JAKMIP1: variants seen among roughly 807,000 people sequenced by gnomAD.
JAKMIP1 encodes the protein janus kinase and microtubule-interacting protein 1.
JAKMIP1 carries 33 observed loss-of-function variants against 113.0 expected under a neutral mutation model. That is an observed-to-expected ratio of 0.29 (90% CI 0.22 to 0.39). The LOEUF is 0.39. Among genes scored for constraint, JAKMIP1 ranks in the 10% least tolerant of loss-of-function variants. The pLI is 1.00. For missense variants in JAKMIP1, 813 were observed against 1,080.5 expected (o/e 0.75, Z 3.47); for synonymous variants, 480 against 459.9 (o/e 1.04, Z -0.56).
In JAKMIP1 at chr4:6,180,395, A is replaced by G. The variant is rs772977044; in HGVS notation, c.-148+19858T>C. On this transcript the variant is annotated intron_variant, in intron 1 of 20. Coordinates refer to ENST00000409021, the MANE Select transcript of JAKMIP1 (RefSeq NM_001099433.2). The surrounding 1 kb of genome is among the most constrained non-coding windows in gnomAD (Gnocchi z 4.5). ...CTTCTTTCTTATTGAGATTTTCACT[A>G]TAAAATCTTATCAGCTGCTGAACAG... 4.6e-5 allele frequency among the ~76,000 whole-genome samples: 7 copies of G among 152,190 alleles called. No homozygotes were observed. Among genetic ancestry groups the G allele is most frequent in the Non-Finnish European group, 1.0e-4 (7 of 68,040 alleles).
chr4:6,060,526 G>A lies in JAKMIP1; in HGVS notation c.1561-19C>T. 1.9e-6 allele frequency: 3 copies of A among 1,603,402 alleles called. No individual in the cohort carries two copies. The highest frequency in any genetic ancestry group is 2.6e-6 in the Non-Finnish European group (3 of 1,170,438). ...CCCGAGTCTGGAAGGGAAAAGACCAGGCAGTGAGCAGGTCACCTCCAATGG... is the reference window on the plus strand; with the variant it reads ...CCCGAGTCTGGAAGGGAAAAGACCAAGCAGTGAGCAGGTCACCTCCAATGG... On this transcript the variant is annotated intron_variant, in intron 10 of 20. Transcript: ENST00000409021.
intron 3 of JAKMIP1, among the ~76,000 whole-genome samples, chr4:6,100,996 T>A (rs73198055): frequency 0.12 from 17,798 of 152,192 alleles, 1,196 homozygotes; most frequent in Non-Finnish European, 0.14. Context: ...AGTCTGTAAT[T>A]TGCCTTGTCT....
At chr4:6,034,836 T>C (rs978976507) in intron 19 of JAKMIP1, among the ~76,000 whole-genome samples, 11 of 152,116 alleles carry the variant, frequency 7.2e-5, no homozygotes, top group African/African-American at 2.7e-4. Context: ...GATGTTTCTG[T>C]GGAGGTCTTT....
At chr4:6,027,678 A>G (rs1049664695) in intron 20 of JAKMIP1, among the ~76,000 whole-genome samples, 2 of 152,224 alleles carry the variant, frequency 1.3e-5, no homozygotes, top group Non-Finnish European at 2.9e-5. Context: ...TTCTGTGGCA[A>G]AAGGAGACAG....
intron 19 of JAKMIP1, among the ~76,000 whole-genome samples, chr4:6,032,331 G>A (rs1036932593): frequency 1.3e-5 from 2 of 152,098 alleles, no homozygotes; most frequent in Non-Finnish European, 2.9e-5. Flanking sequence ...TGATATTCAC[G>A]CTTAGGAAAC....
chr4:6,135,071 G>C lies in JAKMIP1; in HGVS notation c.-147-22074C>G, dbSNP rs116586447. 1.8e-3 allele frequency among the ~76,000 whole-genome samples: 272 copies of C among 152,240 alleles called. 1 individual carries two copies. Among genetic ancestry groups the C allele is most frequent in the African/African-American group, 6.3e-3 (261 of 41,534 alleles). ...TCTGGTCTGGTATCGTTGGGGCAGAGCTGCTCAGTCTCCATGGGGGCCACT... is the reference window on the plus strand; with the variant it reads ...TCTGGTCTGGTATCGTTGGGGCAGACCTGCTCAGTCTCCATGGGGGCCACT... On this transcript the variant is annotated intron_variant, in intron 1 of 20. Coordinates refer to ENST00000409021, the MANE Select transcript of JAKMIP1 (RefSeq NM_001099433.2). The surrounding 1 kb of genome is among the most constrained non-coding windows in gnomAD (Gnocchi z 4.9).
rs535767048 is a variant in JAKMIP1 at position 6,093,069 on chromosome 4, A to G, written c.625-7440T>C. Among the ~76,000 whole-genome samples the G allele has an allele frequency of 2.4e-4, 37 of 152,320 alleles. No individual in the cohort carries two copies. Among genetic ancestry groups the G allele is most frequent in the African/African-American group, 8.9e-4 (37 of 41,574 alleles). On this transcript the variant is annotated intron_variant, in intron 3 of 20. Transcript: ENST00000409021. This position sits in a 1 kb window ranked among gnomAD's most constrained non-coding sequence, Gnocchi z 4.6. ...GGTTAAAATGATCACATCATGCCCC[A>G]TTACTTCCAAACCTTTGCCAGTGTT... is the stretch of plus-strand genomic sequence containing the variant.
rs75527734 is a variant in JAKMIP1 at position 6,155,381 on chromosome 4, G to C, written c.-147-42384C>G. Among the ~76,000 whole-genome samples, 3 of 152,080 alleles carry C rather than the reference G, an allele frequency of 2.0e-5. No homozygotes were observed. The highest frequency in any genetic ancestry group is 1.3e-4 in the Admixed American group (2 of 15,252). On this transcript the variant is annotated intron_variant, in intron 1 of 20. Coordinates refer to ENST00000409021, the MANE Select transcript of JAKMIP1 (RefSeq NM_001099433.2). The surrounding 1 kb of genome is among the most constrained non-coding windows in gnomAD (Gnocchi z 6.1). ...CAAGCACTTTATATTTAACCCTCAA[G>C]AGAACCCTAAAACATAGGTATTCTA...
At chr4:6,092,433 G>C (rs535375222) in intron 3 of JAKMIP1, among the ~76,000 whole-genome samples, 1 of 152,220 alleles carries the variant, frequency 6.6e-6, no homozygotes, top group Non-Finnish European at 1.5e-5. Context: ...ACCTGCAGCC[G>C]CAGGCTCCCC....
chr4:6,080,184 G>A lies in JAKMIP1; in HGVS notation c.1230C>T (p.Asp410=), dbSNP rs374235468. The A allele has an allele frequency of 6.8e-6, 11 of 1,609,740 alleles. No homozygotes were observed. The highest frequency in any genetic ancestry group is 1.1e-5 in the South Asian group (1 of 90,230). Residue 410 remains aspartate, a synonymous_variant, in exon 7 of 21, where the codon GAC becomes GAT. Coordinates refer to ENST00000409021, the MANE Select transcript of JAKMIP1 (RefSeq NM_001099433.2). The surrounding 1 kb of genome is among the most constrained non-coding windows in gnomAD (Gnocchi z 6.0). ...LQVLEQQHVI[D]DLSLERERLL... ...GTGCTAGATGTACCAGTGAGAGGTC[G>A]TCAATGACGTGCTGCTGCTCCAGCA...
rs183218478 is a variant in JAKMIP1 at position 6,197,041 on chromosome 4, G to A, written c.-148+3212C>T. Among the ~76,000 whole-genome samples, 3 of 152,312 alleles carry A rather than the reference G, an allele frequency of 2.0e-5. No homozygotes were observed. Reference sequence around the variant, plus strand: ...GTCCTGAGACTTGGCTCCCTCTGCGGTGTTCACGTAGACCTCACCCTGTGT... The same window carrying A: ...GTCCTGAGACTTGGCTCCCTCTGCGATGTTCACGTAGACCTCACCCTGTGT... On this transcript the variant is annotated intron_variant, in intron 1 of 20. Coordinates refer to ENST00000409021, the MANE Select transcript of JAKMIP1 (RefSeq NM_001099433.2). The surrounding 1 kb of genome is among the most constrained non-coding windows in gnomAD (Gnocchi z 6.5).
At chr4:6,041,305 C>A (rs76214173) in intron 17 of JAKMIP1, among the ~76,000 whole-genome samples, 2,122 of 152,238 alleles carry the variant, frequency 0.014, 38 homozygotes, top group African/African-American at 0.038. Flanking sequence ...AAGGAAAGAG[C>A]CAGGGAGGAC....
intron 1 of JAKMIP1, among the ~76,000 whole-genome samples, chr4:6,172,597 G>A (rs1179307116): frequency 6.6e-6 from 1 of 152,136 alleles, no homozygotes; most frequent in Non-Finnish European, 1.5e-5. Flanking sequence ...CATTGTGCAG[G>A]GACTGAATCA....
chr4:6,056,594 G>A, intron 12 of JAKMIP1, 103 bp downstream of exon 12: 3 of 822,602 alleles, frequency 3.6e-6, no homozygotes, highest in Non-Finnish European at 6.4e-6. Flanking sequence ...CCTGGTCACT[G>A]GAGTGCCCAA....
At chr4:6,071,300 G>A (rs1718920528) in intron 8 of JAKMIP1, among the ~76,000 whole-genome samples, 1 of 152,224 alleles carries the variant, frequency 6.6e-6, no homozygotes, top group Non-Finnish European at 1.5e-5. Context: ...GCCCCAGGCA[G>A]TGCAGACCTG....
intron 16 of JAKMIP1, among the ~76,000 whole-genome samples, chr4:6,048,205 TCAA>T (rs1230363507): frequency 1.3e-5 from 2 of 152,232 alleles, no homozygotes; most frequent in African/African-American, 4.8e-5. Flanking sequence ...CAAGCATAAA[TCAA>T]CAACGTGTAA....
chr4:6,039,758 G>A (rs556425946), intron 18 of JAKMIP1, among the ~76,000 whole-genome samples: 3 of 152,306 alleles, frequency 2.0e-5, no homozygotes, highest in African/African-American at 7.2e-5. Context: ...GTCATAGCTA[G>A]TTGCACCGGC....
Position 6,065,153 on chromosome 4 carries a change from G to C in JAKMIP1, c.1303-145C>G. 3 of 996,662 alleles carry C rather than the reference G, an allele frequency of 3.0e-6. No individual in the cohort carries two copies. Among genetic ancestry groups the C allele is most frequent in the Non-Finnish European group, 4.6e-6 (3 of 648,792 alleles). 61.7% of individuals were successfully genotyped at this position (996,662 alleles called of 1,614,324 possible). Reference sequence around the variant, plus strand: ...TCACAAGATGCGGTTGGTGGGCTTCGTAACTGACTGGGTGGGATAAAAGGT... The same window carrying C: ...TCACAAGATGCGGTTGGTGGGCTTCCTAACTGACTGGGTGGGATAAAAGGT... On this transcript the variant is annotated intron_variant, in intron 8 of 20. Transcript: ENST00000409021. This position sits in a 1 kb window ranked among gnomAD's most constrained non-coding sequence, Gnocchi z 5.1.
chr4:6,084,214 G>A (rs2108828558), intron 5 of JAKMIP1, among the ~76,000 whole-genome samples: 1 of 152,006 alleles, frequency 6.6e-6, no homozygotes, highest in Middle Eastern at 3.4e-3. Context: ...CTACTCGGGA[G>A]GCTGAGGCAG....
Sources: gnomAD v4.1 joint callset for allele counts (sites outside exome capture counted in the v4.1 genomes callset) on GRCh38, gnomAD v4.1.1 for gene constraint, Gnocchi (gnomAD v3.1) non-coding constraint, MANE v1.5 for transcripts, NCBI Gene and HGNC (gene_info 2026-07-23, HGNC 2026-07-21) for gene names.